Variants in CAMK2D observed in about 807,000 individuals in gnomAD.
CAMK2D encodes the protein calcium/calmodulin dependent protein kinase II delta, also known as calcium/calmodulin-dependent protein kinase type II subunit delta.
A neutral mutation model predicts 84.0 loss-of-function variants in CAMK2D; 37 were observed. The observed-to-expected ratio is 0.44, with a 90% confidence interval of 0.34 to 0.58. The LOEUF is 0.58. Ranked by LOEUF, CAMK2D falls within the 20% of genes least tolerant of loss-of-function variation. CAMK2D has a pLI of 0.02. For missense variants in CAMK2D, 448 were observed against 652.5 expected, an observed-to-expected ratio of 0.69 and a Z score of 3.41; for synonymous variants, 202 against 212.5, an observed-to-expected ratio of 0.95 and a Z score of 0.43.
intron 13 of CAMK2D, 59 bp from the exon 14 acceptor site, chr4:113,505,094 T>G: frequency 1.0e-6 from 1 of 973,916 alleles, no homozygotes; most frequent in Non-Finnish European, 1.6e-6. Context: ...AGCCAATGTC[T>G]CTAGATGCAG....
intron 16 of CAMK2D, among the ~76,000 whole-genome samples, chr4:113,472,606 TG>T: frequency 6.6e-6 from 1 of 152,334 alleles, no homozygotes; most frequent in Admixed American, 6.5e-5. Context: ...TGAAACTACT[TG>T]ATGATAAGCC....
chr4:113,495,269 T>G (rs929394654), intron 16 of CAMK2D, among the ~76,000 whole-genome samples: 3 of 152,218 alleles, frequency 2.0e-5, no homozygotes, highest in Non-Finnish European at 4.4e-5. Flanking sequence ...AAGACATTTT[T>G]AACCTAATGG....
intron 4 of CAMK2D, among the ~76,000 whole-genome samples, chr4:113,559,981 G>C (rs927094376): frequency 2.0e-5 from 3 of 152,124 alleles, no homozygotes; most frequent in Non-Finnish European, 2.9e-5. Context: ...CTGGAACATT[G>C]GGGGTTTCAA....
At chr4:113,602,710 T>C (rs917696791) in intron 4 of CAMK2D, among the ~76,000 whole-genome samples, 2 of 152,256 alleles carry the variant, frequency 1.3e-5, no homozygotes, top group Non-Finnish European at 2.9e-5. Context: ...ATATATAAGC[T>C]GAAGTTCTAA....
At chr4:113,617,481 A>G (rs1021617643) in intron 3 of CAMK2D, among the ~76,000 whole-genome samples, 1 of 152,008 alleles carries the variant, frequency 6.6e-6, no homozygotes, top group African/African-American at 2.4e-5. Context: ...AAAAAAATCA[A>G]AAAAGAAGAG....
chr4:113,592,717 AT>A (rs2098896749), intron 4 of CAMK2D, among the ~76,000 whole-genome samples: 1 of 152,162 alleles, frequency 6.6e-6, no homozygotes, highest in Non-Finnish European at 1.5e-5. Flanking sequence ...CAAACTAATA[AT>A]CTTAAACATG....
intron 3 of CAMK2D, among the ~76,000 whole-genome samples, chr4:113,622,895 CT>C (rs2099052178): frequency 6.6e-6 from 1 of 152,160 alleles, no homozygotes; most frequent in Non-Finnish European, 1.5e-5. Context: ...GAATAGGTAT[CT>C]TTATTTTGTT....
At chr4:113,548,733 C>G in intron 5 of CAMK2D, 1 of 1,506,230 alleles carries the variant, frequency 6.6e-7, no homozygotes, top group Non-Finnish European at 9.2e-7. Context: ...ACAATGACTG[C>G]AAAGATACAA....
chr4:113,527,335 C>A (rs999386220), intron 8 of CAMK2D, among the ~76,000 whole-genome samples: 1 of 151,788 alleles, frequency 6.6e-6, no homozygotes, highest in Admixed American at 6.6e-5. Flanking sequence ...AACTCTTGGA[C>A]TCAAGATCCT....
intron 2 of CAMK2D, among the ~76,000 whole-genome samples, chr4:113,746,010 T>C (rs568008067): frequency 6.6e-6 from 1 of 152,310 alleles, no homozygotes; most frequent in Admixed American, 6.5e-5. Flanking sequence ...AGAACTCAAT[T>C]AGGAAATGTC....
At chr4:113,570,477 G>A (rs1645547607) in intron 4 of CAMK2D, among the ~76,000 whole-genome samples, 1 of 152,082 alleles carries the variant, frequency 6.6e-6, no homozygotes, top group African/African-American at 2.4e-5. Context: ...AGAACTGAGA[G>A]CCTAGAAACA....
At chr4:113,758,192 T>C (rs1371348942) in intron 2 of CAMK2D, among the ~76,000 whole-genome samples, 2 of 152,224 alleles carry the variant, frequency 1.3e-5, no homozygotes, top group Non-Finnish European at 2.9e-5. Context: ...TTAGTTTTCA[T>C]ACCATGATTC....
intron 8 of CAMK2D, among the ~76,000 whole-genome samples, chr4:113,527,861 CCTAT>C (rs746320266): frequency 1.7e-4 from 26 of 152,200 alleles, no homozygotes; most frequent in Non-Finnish European, 2.8e-4. Flanking sequence ...AGCTAACTCA[CCTAT>C]CTATCACCTC....
chr4:113,721,876 T>C (rs2099531597), intron 2 of CAMK2D, among the ~76,000 whole-genome samples: 1 of 152,122 alleles, frequency 6.6e-6, no homozygotes, highest in Non-Finnish European at 1.5e-5. Context: ...TATCTTCTGT[T>C]TGTTCACCAA....
chr4:113,595,556 C>G (rs988869049), intron 4 of CAMK2D, among the ~76,000 whole-genome samples: 1 of 150,642 alleles, frequency 6.6e-6, no homozygotes, highest in Non-Finnish European at 1.5e-5. Context: ...TATAAGATAC[C>G]GATACTACCC....
At chr4:113,635,962 T>C (rs185312537) in intron 3 of CAMK2D, among the ~76,000 whole-genome samples, 1 of 152,352 alleles carries the variant, frequency 6.6e-6, no homozygotes, top group Non-Finnish European at 1.5e-5. Flanking sequence ...ATACTGGTTA[T>C]CAAATATTTT....
rs575577463 is a variant in CAMK2D, at chr4:113,731,100, C to T, written c.160+28220G>A. ...ACTGAATATTTTCAAGAAGTGCTAG[C>T]GAAAAGCCAAACTGAGTGACTAGCA... is the stretch of plus-strand genomic sequence containing the variant. On this transcript the variant is annotated intron_variant, in intron 2 of 20. Transcript: ENST00000511664. 5.8e-4 allele frequency among the ~76,000 whole-genome samples: 88 copies of T among 152,236 alleles called. 2 individuals carry two copies. In the South Asian group the frequency reaches 0.016, roughly 28 times the overall value.
intron 4 of CAMK2D, among the ~76,000 whole-genome samples, chr4:113,593,421 G>C (rs575251577): frequency 6.6e-6 from 1 of 151,804 alleles, no homozygotes; most frequent in African/African-American, 2.4e-5. Flanking sequence ...GAACCATCAT[G>C]AGGTAGGAAA....
chr4:113,536,056 TCATCTGAATCTCTAATTTA>T (rs1188103792), intron 7 of CAMK2D, among the ~76,000 whole-genome samples: 2 of 152,200 alleles, frequency 1.3e-5, no homozygotes, highest in African/African-American at 2.4e-5. Flanking sequence ...GATACAGAGA[TCATCTGAATCTCTAATTTA>T]CAGACCTAAT....
Sources: allele counts gnomAD v4.1 joint callset (sites outside exome capture counted in the v4.1 genomes callset), GRCh38; gene constraint gnomAD v4.1.1; transcripts MANE v1.5; gene names NCBI Gene and HGNC (gene_info 2026-07-23, HGNC 2026-07-21).